Variants in ZNF33A observed in about 807,000 individuals in gnomAD.
ZNF33A encodes zinc finger protein 33A.
Under a neutral mutation model 15.9 loss-of-function variants are expected in ZNF33A, and 9 were observed. The ratio of observed to expected loss-of-function variants is 0.57; its 90% confidence interval spans 0.34 to 0.99. ZNF33A has a LOEUF of 0.99. Ranked by LOEUF, ZNF33A falls within the 50% of genes least tolerant of loss-of-function variation. The probability of loss-of-function intolerance (pLI) is 0.02; values close to 1 mark genes in which losing one functional copy is unlikely to be tolerated. For missense variants in ZNF33A, 843 were observed against 941.6 expected, an observed-to-expected ratio of 0.90 and a Z score of 1.37; for synonymous variants, 294 against 324.2, an observed-to-expected ratio of 0.91 and a Z score of 1.00.
intron 4 of ZNF33A, among the ~76,000 whole-genome samples, chr10:38,035,221 A>G (rs2065395329): frequency 7.3e-6 from 1 of 136,364 alleles, no homozygotes; most frequent in Non-Finnish European, 1.5e-5. Flanking sequence ...GGGTTCAAGT[A>G]TTTCTCCTGC....
intron 4 of ZNF33A, among the ~76,000 whole-genome samples, chr10:38,024,163 CAAAAA>C (rs71007682): frequency 3.2e-5 from 3 of 93,204 alleles, no homozygotes; most frequent in African/African-American, 8.2e-5. Context: ...AAAAACAAAA[CAAAAA>C]AAAAAAAAAA....
chr10:38,031,273 T>G (rs567149412), intron 4 of ZNF33A, among the ~76,000 whole-genome samples: 1 of 152,218 alleles, frequency 6.6e-6, no homozygotes, highest in East Asian at 1.9e-4. Context: ...CATGTCAGTT[T>G]AAGAATTGTC....
intron 4 of ZNF33A, among the ~76,000 whole-genome samples, chr10:38,019,447 C>T (rs193037350): frequency 6.6e-6 from 1 of 152,108 alleles, no homozygotes; most frequent in Non-Finnish European, 1.5e-5. Flanking sequence ...TATAAACATA[C>T]GTGTGCATGT....
At chr10:38,064,209 C>T (rs192517743), downstream of ZNF33A, 2 of 1,238,950 alleles carry the variant, frequency 1.6e-6, no homozygotes, top group Non-Finnish European at 2.3e-6. Flanking sequence ...AACTACCTTC[C>T]CACAAGATGG....
Position 38,059,703 on chromosome 10 carries a change from G to C in ZNF33A, c.*3143G>C, listed in dbSNP as rs1013306166. 2 of 152,244 alleles carry C rather than the reference G, an allele frequency of 1.3e-5. No individual in the cohort carries two copies. Among genetic ancestry groups the C allele is most frequent in the African/African-American group, 4.8e-5 (2 of 41,462 alleles). The allele number at this position is 152,244 out of a possible 1,614,324, so 9.4% of individuals were successfully genotyped here. On this transcript the variant is annotated 3_prime_UTR_variant, in exon 5 of 5. Coordinates refer to ENST00000432900, the MANE Select transcript of ZNF33A (RefSeq NM_006954.2). ...AAAGGACCAGTGGTTGCTGAGAGTT[G>C]AGGGGAAAGGAGGGATGGCAGGTAG...
At chr10:38,064,527 A>G (rs2066690921), downstream of ZNF33A, 1 of 172,358 alleles carries the variant, frequency 5.8e-6, no homozygotes, top group South Asian at 1.9e-4. Flanking sequence ...CATAATTTTA[A>G]GTATCTATTT....
Position 38,056,795 on chromosome 10 carries a change from C to G in ZNF33A, c.*235C>G, listed in dbSNP as rs561482455. ...GGAGAAAATTGTCAATTTAAGAAAT[C>G]TAAAGTGAAAATTTTGCTTAGAAAT... is the stretch of plus-strand genomic sequence containing the variant. On this transcript the variant is annotated 3_prime_UTR_variant, in exon 5 of 5. Coordinates refer to ENST00000432900, the MANE Select transcript of ZNF33A (RefSeq NM_006954.2). The G allele has an allele frequency of 1.0e-5, 12 of 1,192,758 alleles. No individual in the cohort carries two copies. In the African/African-American group the frequency reaches 1.9e-4, roughly 19 times the overall value. The allele number at this position is 1,192,758 out of a possible 1,614,324, so 73.9% of individuals were successfully genotyped here. A position where few individuals can be genotyped will look rare whatever the true frequency, so the allele number is the denominator to read the frequency against.
At chr10:38,047,145 C>G (rs1564866568) in intron 4 of ZNF33A, among the ~76,000 whole-genome samples, 1 of 129,584 alleles carries the variant, frequency 7.7e-6, no homozygotes, top group African/African-American at 3.0e-5. Flanking sequence ...CACCTCTGCA[C>G]TGCAGCCTGG....
Position 38,043,604 on chromosome 10 carries a change from C to G in ZNF33A, c.251-10771C>G, listed in dbSNP as rs1181649514. On this transcript the variant is annotated intron_variant, in intron 4 of 4. Transcript: ENST00000432900. Reference sequence around the variant, plus strand: ...AACACAATATTTTCCCCACCTCCCCCCAACAACTCCACCAGTATTGTGGTG... The same window carrying G: ...AACACAATATTTTCCCCACCTCCCCGCAACAACTCCACCAGTATTGTGGTG... 3.3e-5 allele frequency among the ~76,000 whole-genome samples: 5 copies of G among 152,014 alleles called. No individual in the cohort carries two copies. The East Asian group carries it at 5.8e-4, about 18-fold the overall frequency.
At chr10:38,041,859 G>GT (rs964624550) in intron 4 of ZNF33A, among the ~76,000 whole-genome samples, 10 of 151,894 alleles carry the variant, frequency 6.6e-5, no homozygotes, top group Non-Finnish European at 1.5e-4. Context: ...TGTTGTTGTT[G>GT]TTTTTTTACT....
chr10:38,064,049 T>C, downstream of ZNF33A: 1 of 1,589,238 alleles, frequency 6.3e-7, no homozygotes, highest in Non-Finnish European at 8.5e-7. Flanking sequence ...ACGACAGACA[T>C]TTTCAAATAT....
Position 38,056,403 on chromosome 10 carries a change from A to G in ZNF33A, c.2279A>G (p.Gln760Arg). 5 of 1,614,168 alleles carry G rather than the reference A, an allele frequency of 3.1e-6. No individual in the cohort carries two copies. Among genetic ancestry groups the G allele is most frequent in the Non-Finnish European group, 4.2e-6 (5 of 1,179,982 alleles). Residue 760 changes from glutamine to arginine, a missense_variant, in exon 5 of 5, where the codon CAA becomes CGA. By Grantham distance (43) the Gln-to-Arg change is conservative. Coordinates refer to ENST00000432900, the MANE Select transcript of ZNF33A (RefSeq NM_006954.2). ...ECNTCRKTFS[Q>R]KSNLIVHQRR... ...AACACATGCAGGAAAACTTTCTCTC[A>G]AAAGTCAAATCTCATTGTACATCAG...
chr10:38,059,375 AAG>A lies in ZNF33A; in HGVS notation c.*2817_*2818del, dbSNP rs2066609877. The A allele has an allele frequency of 6.6e-6, 1 of 152,244 alleles. No homozygotes were observed. The highest frequency in any genetic ancestry group is 2.4e-5 in the African/African-American group (1 of 41,466). The allele number at this position is 152,244 out of a possible 1,614,324, so 9.4% of individuals were successfully genotyped here. On this transcript the variant is annotated 3_prime_UTR_variant, in exon 5 of 5. Transcript: ENST00000432900. ...CTATATAATGCAGTGTTAAAAAAAA[AAG>A]AAATAAAATGCACATAGATTTGAAA...
At chr10:38,012,556 C>T (rs1187614469) in intron 2 of ZNF33A, among the ~76,000 whole-genome samples, 1 of 151,468 alleles carries the variant, frequency 6.6e-6, no homozygotes, top group African/African-American at 2.4e-5. Flanking sequence ...CTCAGCCCCC[C>T]GAGTAGCTGG....
intron 4 of ZNF33A, among the ~76,000 whole-genome samples, chr10:38,051,202 A>T (rs764603698): frequency 6.6e-6 from 1 of 152,232 alleles, no homozygotes; most frequent in Non-Finnish European, 1.5e-5. Flanking sequence ...TTAAAATGCC[A>T]TTGTATAAAT....
downstream of ZNF33A, chr10:38,064,775 ACTTTC>A: frequency 6.6e-6 from 1 of 152,158 alleles, no homozygotes; most frequent in East Asian, 1.9e-4. Context: ...AGACTGACTG[ACTTTC>A]CTTGGCTCTC....
rs746854111 is a variant in ZNF33A at position 38,054,453 on chromosome 10, A to G, written c.329A>G (p.Asn110Ser). ...SKHLWEVVFI[N>S]NEMLTKEQGD... ...CATTTGTGGGAAGTTGTATTCATCA[A>G]TAATGAAATGCTGACTAAGGAACAA... The change falls in exon 5 of 5, where the codon AAT becomes AGT. Residue 110 changes from asparagine (N) to serine (S), a missense_variant. By Grantham distance (46) the Asn-to-Ser change is conservative (BLOSUM62 1). Transcript: ENST00000432900. 1 of 1,609,870 alleles carries G rather than the reference A, an allele frequency of 6.2e-7. No homozygotes were observed. The highest frequency in any genetic ancestry group is 8.5e-7 in the Non-Finnish European group (1 of 1,178,808).
rs998022903 is a variant in ZNF33A at position 38,058,806 on chromosome 10, C to T, written c.*2246C>T. The T allele has an allele frequency of 1.1e-4, 17 of 152,038 alleles. No homozygotes were observed. The highest frequency in any genetic ancestry group is 4.1e-4 in the African/African-American group (17 of 41,392). The allele number at this position is 152,038 out of a possible 1,614,324, so 9.4% of individuals were successfully genotyped here. ...AATGAAACTTTCCAAAACAAAGTGC[C>T]AGGACCAGCTGGGTTCACTGATGTG... On this transcript the variant is annotated 3_prime_UTR_variant, in exon 5 of 5. Transcript: ENST00000432900.
chr10:38,019,329 G>A (rs1298211522), intron 4 of ZNF33A, among the ~76,000 whole-genome samples: 1 of 152,052 alleles, frequency 6.6e-6, no homozygotes, highest in Non-Finnish European at 1.5e-5. Flanking sequence ...CATTTTTTAT[G>A]GCTGCATAGT....
Sources: gnomAD v4.1 joint callset for allele counts (sites outside exome capture counted in the v4.1 genomes callset) on GRCh38, gnomAD v4.1.1 for gene constraint, MANE v1.5 for transcripts, NCBI Gene and HGNC (gene_info 2026-07-23, HGNC 2026-07-21) for gene names.